The following PIWIL2 variants were observed in gnomAD, a reference collection of about 807,000 sequenced individuals.
The protein encoded by PIWIL2 is piwi like RNA-mediated gene silencing 2, also known as piwi-like protein 2.
In PIWIL2, 81 loss-of-function variants were observed where a neutral mutation model predicts 116.5. The observed-to-expected ratio is 0.70, with a 90% CI of 0.58 to 0.84. PIWIL2 has a LOEUF of 0.84. Ranked by LOEUF, PIWIL2 falls within the 40% of genes least tolerant of loss-of-function variation. The pLI is 0.00. For synonymous variants in PIWIL2, 489 were observed against 429.5 expected, an observed-to-expected ratio of 1.14 and a Z score of -1.71; for missense variants, 1,272 against 1,212.3, an observed-to-expected ratio of 1.05 and a Z score of -0.73.
At chr8:22,283,821 A>G (rs1374751234) in intron 5 of PIWIL2, among the ~76,000 whole-genome samples, 5 of 152,342 alleles carry the variant, frequency 3.3e-5, no homozygotes, top group Non-Finnish European at 4.4e-5. Flanking sequence ...ATTCCTTGTC[A>G]TGTTGAAGAT....
At chr8:22,344,303 C>G (rs1025739284) in intron 20 of PIWIL2, among the ~76,000 whole-genome samples, 2 of 152,152 alleles carry the variant, frequency 1.3e-5, no homozygotes, top group African/African-American at 2.4e-5. Flanking sequence ...ACCCATAGAA[C>G]TGTACAACAC....
chr8:22,337,268 C>T (rs1442240853), intron 20 of PIWIL2, among the ~76,000 whole-genome samples: 1 of 152,072 alleles, frequency 6.6e-6, no homozygotes, highest in African/African-American at 2.4e-5. Context: ...AGTACACACA[C>T]ACACACAATT....
chr8:22,299,305 G>A (rs1039120229), intron 10 of PIWIL2, among the ~76,000 whole-genome samples: 1 of 151,476 alleles, frequency 6.6e-6, no homozygotes, highest in African/African-American at 2.4e-5. Flanking sequence ...CCGCCTCCTG[G>A]GTTCAAGCGA....
At chr8:22,303,863 G>A (rs1831111088) in intron 10 of PIWIL2, among the ~76,000 whole-genome samples, 158 bp from the exon 11 acceptor site, 1 of 152,182 alleles carries the variant, frequency 6.6e-6, no homozygotes, top group Non-Finnish European at 1.5e-5. Flanking sequence ...ACAAGCGTGA[G>A]CCACTGCATC....
At position 22,292,909 on chromosome 8, in the gene PIWIL2, C is replaced by G. The variant is rs79007011; in HGVS notation, c.1181+2563C>G. ...GTTTCTATTTGGTGGCATGGAACTT[C>G]AGCATGAGTAACTCCATTTTTGGTT... is the stretch of plus-strand genomic sequence containing the variant. On this transcript the variant is annotated intron_variant, in intron 10 of 22. Transcript: ENST00000356766. 3.3e-5 allele frequency among the ~76,000 whole-genome samples: 5 copies of G among 152,306 alleles called. No homozygotes were observed. The East Asian group carries it at 7.7e-4, about 24-fold the overall frequency.
chr8:22,328,108 T>G (rs1329660932), intron 20 of PIWIL2, among the ~76,000 whole-genome samples: 2 of 152,200 alleles, frequency 1.3e-5, no homozygotes, highest in Admixed American at 6.5e-5. Context: ...AGTCACTGAT[T>G]TGAGTTATAC....
At chr8:22,341,062 T>C (rs141776366) in intron 20 of PIWIL2, among the ~76,000 whole-genome samples, 2 of 152,256 alleles carry the variant, frequency 1.3e-5, no homozygotes, top group African/African-American at 4.8e-5. Flanking sequence ...TGCTGATACC[T>C]TGGGAACCAT....
chr8:22,281,767 A>G (rs201051804), intron 4 of PIWIL2, among the ~76,000 whole-genome samples: 4 of 118,542 alleles, frequency 3.4e-5, no homozygotes, highest in African/African-American at 1.3e-4. Context: ...GATCATGGTG[A>G]TTTTTTTTTT....
intron 20 of PIWIL2, among the ~76,000 whole-genome samples, chr8:22,329,554 A>C (rs973590265): frequency 2.6e-5 from 4 of 152,260 alleles, no homozygotes; most frequent in Non-Finnish European, 5.9e-5. Flanking sequence ...GCAAGAGCTC[A>C]CTTATCACCA....
rs537857069 is a variant in PIWIL2, at chr8:22,333,749, T to G, written c.2403+15474T>G. ...ACTGGAGTATGGATAGGGTGATAATTACTCAAAAGTATGAGGTTTCTTTGT... is the reference window on the plus strand; with the variant it reads ...ACTGGAGTATGGATAGGGTGATAATGACTCAAAAGTATGAGGTTTCTTTGT... On this transcript the variant is annotated intron_variant, in intron 20 of 22. Coordinates refer to ENST00000356766, the MANE Select transcript of PIWIL2 (RefSeq NM_018068.5). Among the ~76,000 whole-genome samples the G allele has an allele frequency of 8.3e-4, 127 of 152,152 alleles. 2 individuals are homozygous for G. Among genetic ancestry groups the G allele is most frequent in the African/African-American group, 2.9e-3 (122 of 41,474 alleles).
intron 20 of PIWIL2, among the ~76,000 whole-genome samples, chr8:22,325,117 G>A (rs930997428): frequency 2.0e-5 from 3 of 152,200 alleles, no homozygotes; most frequent in African/African-American, 7.2e-5. Flanking sequence ...AAAAAAGACT[G>A]TTGAGGTCAT....
intron 14 of PIWIL2, among the ~76,000 whole-genome samples, 175 bp downstream of exon 14, chr8:22,308,248 C>G (rs1186251731): frequency 2.0e-5 from 3 of 151,240 alleles, no homozygotes; most frequent in Middle Eastern, 3.4e-3. Flanking sequence ...AGGTATGAAC[C>G]TCTGTGCGTG....
intron 20 of PIWIL2, among the ~76,000 whole-genome samples, chr8:22,327,958 A>G (rs1831765855): frequency 6.6e-6 from 1 of 152,154 alleles, no homozygotes; most frequent in Non-Finnish European, 1.5e-5. Flanking sequence ...TTTTGATAAC[A>G]TGCAATTTAT....
intron 14 of PIWIL2, among the ~76,000 whole-genome samples, chr8:22,308,943 G>T (rs899562969): frequency 6.6e-6 from 1 of 150,534 alleles, no homozygotes; most frequent in Non-Finnish European, 1.5e-5. Flanking sequence ...GAGCCACCAC[G>T]CTAGCCCTTG....
chr8:22,312,122 G>A (rs1831347094), intron 16 of PIWIL2, among the ~76,000 whole-genome samples: 2 of 151,952 alleles, frequency 1.3e-5, no homozygotes, highest in Non-Finnish European at 2.9e-5. Flanking sequence ...ACATTAGCTG[G>A]GTGTGGTGGC....
Position 22,314,354 on chromosome 8 carries a change from C to T in PIWIL2, c.2016C>T (p.Ile672=), listed in dbSNP as rs763977141. 6.4e-7 allele frequency: 1 copy of T among 1,572,718 alleles called. No individual in the cohort carries two copies. Among genetic ancestry groups the T allele is most frequent in the Non-Finnish European group, 8.6e-7 (1 of 1,156,898 alleles). ...AEGKIQMVVC[I]IMGPRDDLYG... ...GGAAGATACAGATGGTTGTTTGCAT[C>T]ATCATGGGCCCACGTGATGATCTCT... The change falls in exon 17 of 23, where the codon ATC becomes ATT. Residue 672 remains isoleucine (I), a synonymous_variant. Coordinates refer to ENST00000356766, the MANE Select transcript of PIWIL2 (RefSeq NM_018068.5).
In PIWIL2 at chr8:22,311,155, T is replaced by C; in HGVS notation, c.1844T>C (p.Met615Thr). 1 of 1,614,072 alleles carries C rather than the reference T, an allele frequency of 6.2e-7. No homozygotes were observed. Among genetic ancestry groups the C allele is most frequent in the Non-Finnish European group, 8.5e-7 (1 of 1,179,980 alleles). ...FWALFYPKRA[M>T]DQARELVNML... ...GCACTTTTTTACCCAAAGAGAGCAA[T>C]GGACCAGGCTCGAGAACTGGTCAAC... The change falls in exon 16 of 23, where the codon ATG becomes ACG. Residue 615 changes from methionine (M) to threonine (T), a missense_variant. Physicochemically the swap from Met to Thr is moderately conservative, Grantham distance 81 (BLOSUM62 -1). Transcript: ENST00000356766.
rs184045635 is a variant in PIWIL2, at chr8:22,296,212, C to T, written c.1181+5866C>T. 2.1e-3 allele frequency among the ~76,000 whole-genome samples: 318 copies of T among 152,050 alleles called. 3 individuals are homozygous for T. Among genetic ancestry groups the T allele is most frequent in the African/African-American group, 7.2e-3 (299 of 41,476 alleles). On this transcript the variant is annotated intron_variant, in intron 10 of 22. Transcript: ENST00000356766. ...CTGGGACTACAGGCGTGCGCCACCA[C>T]GCCCAGCTAATTTTTGTAGAGACAG... is the stretch of plus-strand genomic sequence containing the variant.
intron 13 of PIWIL2, among the ~76,000 whole-genome samples, chr8:22,307,276 C>T (rs555898634): frequency 2.0e-5 from 3 of 152,210 alleles, no homozygotes; most frequent in African/African-American, 7.2e-5. Flanking sequence ...CCTGTCTTGG[C>T]CTCCCAAAGT....
Sources: allele counts gnomAD v4.1 joint callset (sites outside exome capture counted in the v4.1 genomes callset), GRCh38; gene constraint gnomAD v4.1.1; transcripts MANE v1.5; gene names NCBI Gene and HGNC (gene_info 2026-07-23, HGNC 2026-07-21).